SLCO4A1: variants seen among roughly 807,000 people sequenced by gnomAD.
SLCO4A1 encodes solute carrier organic anion transporter family member 4A1, also known as colon organic anion transporter.
SLCO4A1 carries 51 observed loss-of-function variants against 64.6 expected under a neutral mutation model. That is an observed-to-expected ratio of 0.79 (90% confidence interval 0.63 to 1.00). The LOEUF (loss-of-function observed/expected upper bound fraction) is 1.00, where lower values mean the gene tolerates loss of function less well. Among genes scored for constraint, SLCO4A1 ranks in the 50% least tolerant of loss-of-function variants. SLCO4A1 has a pLI of 0.00. For synonymous variants in SLCO4A1, 471 were observed against 444.9 expected (o/e 1.06, Z -0.74); for missense variants, 919 against 980.5 (o/e 0.94, Z 0.84).
At position 62,666,484 on chromosome 20, in the gene SLCO4A1, T is replaced by TG; in HGVS notation, c.1382dup (p.Cys461TrpfsTer92). 6.2e-7 allele frequency: 1 copy of TG among 1,613,574 alleles called. No individual in the cohort carries two copies. The highest frequency in any genetic ancestry group is 8.5e-7 in the Non-Finnish European group (1 of 1,179,998). On this transcript the variant is annotated frameshift_variant, in exon 7 of 12. Coordinates refer to ENST00000217159, the MANE Select transcript of SLCO4A1 (RefSeq NM_016354.4). LOFTEE classifies it high-confidence loss of function. ...CGCGGTCATCAAGTTCTGCCTGTTCTGCACCGTTGTCAGCCTGCTGGGCAT... is the reference window on the plus strand; with the variant it reads ...CGCGGTCATCAAGTTCTGCCTGTTCTGGCACCGTTGTCAGCCTGCTGGGCAT...
rs1029386032 is a variant in SLCO4A1 at position 62,685,121 on chromosome 20, A to G, written n.212-320A>G. Among the ~76,000 whole-genome samples the G allele has an allele frequency of 6.6e-6, 1 of 152,072 alleles. No individual in the cohort carries two copies. The highest frequency in any genetic ancestry group is 1.5e-5 in the Non-Finnish European group (1 of 67,984). ...GGCACGTGTGACCAGCCAGGGTCAT[A>G]AAACACACATGGTCAGAGCAGGGCA... On this transcript the variant is annotated intron_variant and non_coding_transcript_variant, in intron 2 of 2. Coordinates refer to the SLCO4A1 transcript ENST00000466818. The surrounding 1 kb of genome is among the most constrained non-coding windows in gnomAD (Gnocchi z 4.6).
rs1016648624 is a variant in SLCO4A1 at position 62,685,368 on chromosome 20, C to T, written n.212-73C>T. ...GGTGGGTTCGTGGGGCAACTGCACC[C>T]GCTCCCTTCCACTCTGCTGTGGCCT... is the stretch of plus-strand genomic sequence containing the variant. On this transcript the variant is annotated intron_variant and non_coding_transcript_variant, in intron 2 of 2. Transcript: ENST00000466818. This position sits in a 1 kb window ranked among gnomAD's most constrained non-coding sequence, Gnocchi z 4.6. 4.0e-5 allele frequency: 34 copies of T among 848,630 alleles called. No homozygotes were observed. Among genetic ancestry groups the T allele is most frequent in the Admixed American group, 6.2e-5 (1 of 16,118 alleles). The allele number at this position is 848,630 out of a possible 1,614,324, so 52.6% of individuals were successfully genotyped here. A position where few individuals can be genotyped will look rare whatever the true frequency, so the allele number is the denominator to read the frequency against.
Position 62,645,660 on chromosome 20 carries a change from T to C in SLCO4A1, c.-97+3107T>C, listed in dbSNP as rs964089306. On this transcript the variant is annotated intron_variant, in intron 1 of 11. Transcript: ENST00000217159. This position sits in a 1 kb window ranked among gnomAD's most constrained non-coding sequence, Gnocchi z 4.2. ...TTTCTGGCGGAAGGTGACTGCTTTT[T>C]CAAACCACGTGCCTTCTGCAGAAGC... 2.6e-5 allele frequency among the ~76,000 whole-genome samples: 4 copies of C among 151,854 alleles called. No individual in the cohort carries two copies. Among genetic ancestry groups the C allele is most frequent in the African/African-American group, 9.7e-5 (4 of 41,360 alleles).
At chr20:62,664,660 G>A (rs1365906217) in intron 5 of SLCO4A1, among the ~76,000 whole-genome samples, 2 of 152,194 alleles carry the variant, frequency 1.3e-5, no homozygotes, top group Non-Finnish European at 2.9e-5. Flanking sequence ...CGCCCCCTGG[G>A]TTTCTCTGGA....
chr20:62,675,802 C>A (rs1987564599), downstream of SLCO4A1, among the ~76,000 whole-genome samples: 1 of 152,206 alleles, frequency 6.6e-6, no homozygotes, highest in South Asian at 2.1e-4. Context: ...TGGATGCCTC[C>A]CACAGCCAGC....
intron 2 of SLCO4A1, among the ~76,000 whole-genome samples, chr20:62,682,122 G>A (rs550238792): frequency 2.6e-4 from 40 of 152,330 alleles, no homozygotes; most frequent in African/African-American, 9.4e-4. Context: ...TTTGAAAGGG[G>A]AGCCGACGGT....
chr20:62,642,886 G>A, intron 1 of SLCO4A1: 2 of 383,320 alleles, frequency 5.2e-6, no homozygotes, highest in Non-Finnish European at 1.1e-5. Flanking sequence ...GCCCTGGCAG[G>A]GACTGTCGGA....
At chr20:62,647,813 C>T (rs1340264596) in intron 1 of SLCO4A1, among the ~76,000 whole-genome samples, 1 of 152,220 alleles carries the variant, frequency 6.6e-6, no homozygotes, top group Non-Finnish European at 1.5e-5. Flanking sequence ...TGCCAGCCAC[C>T]CGCACGTGGC....
At chr20:62,656,039 G>A (rs909137703) in intron 1 of SLCO4A1, among the ~76,000 whole-genome samples, 3 of 152,208 alleles carry the variant, frequency 2.0e-5, no homozygotes, top group African/African-American at 7.2e-5. Context: ...ATCTCAGTAG[G>A]CCTTGCCCCC....
chr20:62,689,155 G>T (rs1238197129), downstream of SLCO4A1, among the ~76,000 whole-genome samples: 1 of 152,064 alleles, frequency 6.6e-6, no homozygotes, highest in Non-Finnish European at 1.5e-5. Context: ...GGCCAGCTGT[G>T]CCCCGCGCCT....
At chr20:62,668,668 G>A (rs992178613) in intron 10 of SLCO4A1, 127 bp downstream of exon 10, 2 of 961,310 alleles carry the variant, frequency 2.1e-6, no homozygotes, top group Admixed American at 1.8e-5. Context: ...CTGGGAAGGG[G>A]TCCATTCCCT....
Position 62,656,391 on chromosome 20 carries a change from C to T in SLCO4A1, c.-64C>T. ...CAGCCCCTCGGATACCACTTGGCCA[C>T]TCCCGCTGAGGCCACTCCCACTGCG... On this transcript the variant is annotated 5_prime_UTR_variant, in exon 2 of 12. Coordinates refer to ENST00000217159, the MANE Select transcript of SLCO4A1 (RefSeq NM_016354.4). 3 of 1,399,676 alleles carry T rather than the reference C, an allele frequency of 2.1e-6. No homozygotes were observed. The highest frequency in any genetic ancestry group is 2.5e-5 in the East Asian group (1 of 39,718). 86.7% of individuals were successfully genotyped at this position (1,399,676 alleles called of 1,614,324 possible).
chr20:62,656,584 C>T lies in SLCO4A1; in HGVS notation c.130C>T (p.Leu44Phe). Residue 44 changes from leucine (L) to phenylalanine (F), a missense_variant, in exon 2 of 12, where the codon CTC becomes TTC. By Grantham distance (22) the Leu-to-Phe change is conservative. Transcript: ENST00000217159. ...SPGTPLSPGSLRSAAHSPLDT... is the reference protein window; with the variant it reads ...SPGTPLSPGSFRSAAHSPLDT... ...GGGCACACCCCTGAGCCCCGGCTCCCTCCGCTCCGCTGCCCATAGCCCCCT... is the reference window on the plus strand; with the variant it reads ...GGGCACACCCCTGAGCCCCGGCTCCTTCCGCTCCGCTGCCCATAGCCCCCT... 1.9e-6 allele frequency: 3 copies of T among 1,592,422 alleles called. No individual in the cohort carries two copies. The highest frequency in any genetic ancestry group is 2.6e-6 in the Non-Finnish European group (3 of 1,172,888).
chr20:62,673,958 C>T (rs1293208835), downstream of SLCO4A1, among the ~76,000 whole-genome samples: 1 of 152,262 alleles, frequency 6.6e-6, no homozygotes, highest in Non-Finnish European at 1.5e-5. Flanking sequence ...AGGGCCAGTC[C>T]TTTGCCGCTC....
chr20:62,672,528 C>A (rs1353139591), downstream of SLCO4A1: 1 of 156,344 alleles, frequency 6.4e-6, no homozygotes, highest in South Asian at 1.9e-4. Flanking sequence ...CTGGAGGGTA[C>A]GGAGGGCTGA....
rs1201872281 is a variant in SLCO4A1 at position 62,661,796 on chromosome 20, C to A, written c.1121+621C>A. ...TCCCTTTCTGCTGAGTGTGGTCCGGCCTTGCTTTGCTGTCTTGCTGCACTG... is the reference window on the plus strand; with the variant it reads ...TCCCTTTCTGCTGAGTGTGGTCCGGACTTGCTTTGCTGTCTTGCTGCACTG... On this transcript the variant is annotated intron_variant, in intron 5 of 11. Transcript: ENST00000217159. This position sits in a 1 kb window ranked among gnomAD's most constrained non-coding sequence, Gnocchi z 5.2. 6.6e-6 allele frequency among the ~76,000 whole-genome samples: 1 copy of A among 151,798 alleles called. No homozygotes were observed. Among genetic ancestry groups the A allele is most frequent in the East Asian group, 1.9e-4 (1 of 5,154 alleles).
At chr20:62,668,582 G>C in intron 10 of SLCO4A1, 41 bp downstream of exon 10, 1 of 1,543,650 alleles carries the variant, frequency 6.5e-7, no homozygotes, top group African/African-American at 1.4e-5. Context: ...GTTGCACAGT[G>C]TGCTCACTGC....
At chr20:62,674,868 A>G (rs1987513717), downstream of SLCO4A1, among the ~76,000 whole-genome samples, 2 of 152,182 alleles carry the variant, frequency 1.3e-5, no homozygotes, top group South Asian at 2.1e-4. Flanking sequence ...CTGCAGACCA[A>G]GGAAAGGACC....
chr20:62,686,957 CAG>C (rs1247890505), downstream of SLCO4A1, among the ~76,000 whole-genome samples: 2 of 146,330 alleles, frequency 1.4e-5, no homozygotes, highest in East Asian at 2.0e-4. Flanking sequence ...CACCCCCAAA[CAG>C]GCACAATGGG....
Sources: gnomAD v4.1 joint callset for allele counts (sites outside exome capture counted in the v4.1 genomes callset) on GRCh38, gnomAD v4.1.1 for gene constraint, Gnocchi (gnomAD v3.1) non-coding constraint, MANE v1.5 for transcripts, NCBI Gene and HGNC (gene_info 2026-07-23, HGNC 2026-07-21) for gene names.